The following PAK2 variants were observed in gnomAD, a reference collection of about 807,000 sequenced individuals.
PAK2 encodes p21 (RAC1) activated kinase 2.
In PAK2, 21 loss-of-function variants were observed where a neutral mutation model predicts 65.9. That is an observed-to-expected ratio of 0.32 (90% CI 0.23 to 0.46). The LOEUF (loss-of-function observed/expected upper bound fraction) is 0.46. Ranked by LOEUF, PAK2 falls within the 20% of genes least tolerant of loss-of-function variation. The probability of loss-of-function intolerance (pLI) is 1.00; values close to 1 mark genes in which losing one functional copy is unlikely to be tolerated. For missense variants in PAK2, 324 were observed against 642.6 expected (o/e 0.50, Z 5.36); for synonymous variants, 204 against 219.7 (o/e 0.93, Z 0.63).
chr3:196,791,749 C>A lies in PAK2; in HGVS notation c.187+8916C>A, dbSNP rs190261125. Among the ~76,000 whole-genome samples the A allele has an allele frequency of 9.5e-3, 1,441 of 152,064 alleles. 26 individuals are homozygous for A. Among genetic ancestry groups the A allele is most frequent in the African/African-American group, 0.032 (1,327 of 41,480 alleles). On this transcript the variant is annotated intron_variant, in intron 2 of 14. Transcript: ENST00000327134. This position sits in a 1 kb window ranked among gnomAD's most constrained non-coding sequence, Gnocchi z 4.0. ...ACCATCCTGGCTAACAAGGTGAAAC[C>A]CCGTCTCTACTAAAAATACAAAAAG...
rs1711600140 is a variant in PAK2, at chr3:196,820,093, G to T, written c.1154-278G>T. Among the ~76,000 whole-genome samples the T allele has an allele frequency of 6.6e-6, 1 of 152,096 alleles. No individual in the cohort carries two copies. The highest frequency in any genetic ancestry group is 1.5e-5 in the Non-Finnish European group (1 of 68,022). On this transcript the variant is annotated intron_variant, in intron 12 of 14. Transcript: ENST00000327134. The surrounding 1 kb of genome is among the most constrained non-coding windows in gnomAD (Gnocchi z 4.6). ...TCTACTTTTGCTTTACTTTTTCGTA[G>T]ACCTCTTTCAGTTTTATTAAATTTT...
intron 1 of PAK2, among the ~76,000 whole-genome samples, chr3:196,761,192 T>G (rs560597931): frequency 1.0e-3 from 136 of 129,702 alleles, no homozygotes; most frequent in Non-Finnish European, 1.8e-3. Flanking sequence ...AATTCTTGGG[T>G]GTTTCTCACA....
chr3:196,797,755 A>AAAAAT (rs1453036105), intron 2 of PAK2, among the ~76,000 whole-genome samples: 1 of 152,132 alleles, frequency 6.6e-6, no homozygotes, highest in South Asian at 2.1e-4. Flanking sequence ...TGTCTCAAAA[A>AAAAAT]AAAATAAAAT....
rs185095577 is a variant in PAK2 at position 196,795,907 on chromosome 3, G to A, written c.188-6020G>A. On this transcript the variant is annotated intron_variant, in intron 2 of 14. Coordinates refer to ENST00000327134, the MANE Select transcript of PAK2 (RefSeq NM_002577.4). ...GCACCCGGGATTGGTTTCGCGGAAG[G>A]TAGTTTTTCCACAGACCCAGTGGTG... 3.3e-4 allele frequency among the ~76,000 whole-genome samples: 51 copies of A among 152,330 alleles called. 1 individual carries two copies. The highest frequency in any genetic ancestry group is 4.3e-4 in the African/African-American group (18 of 41,572).
At chr3:196,759,793 G>A (rs565354376) in intron 1 of PAK2, among the ~76,000 whole-genome samples, 5 of 152,098 alleles carry the variant, frequency 3.3e-5, no homozygotes, top group East Asian at 3.9e-4. Flanking sequence ...CCAAAGTGCC[G>A]GGATTACAGG....
intron 1 of PAK2, 23 bp from the exon 2 acceptor site, chr3:196,782,603 A>T: frequency 1.7e-6 from 2 of 1,183,906 alleles, no homozygotes; most frequent in Non-Finnish European, 2.4e-6. Flanking sequence ...CTTTGTTACT[A>T]ATTGTATTTT....
intron 1 of PAK2, among the ~76,000 whole-genome samples, chr3:196,761,824 G>T (rs1160678972): frequency 1.9e-5 from 2 of 105,134 alleles, no homozygotes; most frequent in African/African-American, 3.7e-5. Context: ...CGGCTGGCCG[G>T]GCGGGGGGCT....
At chr3:196,753,292 G>C (rs1039481315) in intron 1 of PAK2, among the ~76,000 whole-genome samples, 4 of 151,028 alleles carry the variant, frequency 2.6e-5, no homozygotes, top group Admixed American at 6.6e-5. Flanking sequence ...GATATAAGAA[G>C]GTTGCCCAGT....
rs28463065 is a variant in PAK2, at chr3:196,832,294, T to C, written c.*3889T>C. On this transcript the variant is annotated 3_prime_UTR_variant, in exon 15 of 15. Coordinates refer to ENST00000327134, the MANE Select transcript of PAK2 (RefSeq NM_002577.4). ...TTGGTTGGAACGCATTGGCTTTTTT[T>C]TTCTTGTTTTGATAGAAATGGAATT... is the stretch of plus-strand genomic sequence containing the variant. 6.6e-6 allele frequency: 1 copy of C among 152,246 alleles called. No homozygotes were observed. Among genetic ancestry groups the C allele is most frequent in the African/African-American group, 2.4e-5 (1 of 41,468 alleles). The allele number at this position is 152,246 out of a possible 1,614,324, so 9.4% of individuals were successfully genotyped here.
chr3:196,746,365 C>G (rs951460298), intron 1 of PAK2, among the ~76,000 whole-genome samples: 27 of 152,090 alleles, frequency 1.8e-4, no homozygotes, highest in African/African-American at 6.5e-4. Context: ...TGGTTTTCTT[C>G]TTTTAACTAT....
intron 1 of PAK2, among the ~76,000 whole-genome samples, chr3:196,749,568 T>C (rs1157734600): frequency 1.3e-5 from 2 of 152,060 alleles, no homozygotes; most frequent in African/African-American, 4.8e-5. Context: ...CAAGTGCTCA[T>C]GTGTAGGTTT....
rs114312624 is a variant in PAK2 at position 196,749,369 on chromosome 3, G to A, written c.-22+9212G>A. ...ATCACTTCACGTTTCCACCAGCAGC[G>A]CACAGCAGTTCAGTTTCTCTACATC... On this transcript the variant is annotated intron_variant, in intron 1 of 14. Transcript: ENST00000327134. Among the ~76,000 whole-genome samples, 729 of 152,112 alleles carry A rather than the reference G, an allele frequency of 4.8e-3. 3 individuals are homozygous for A. The highest frequency in any genetic ancestry group is 0.02 in the Middle Eastern group (6 of 294).
chr3:196,745,970 A>G (rs1713363837), intron 1 of PAK2, among the ~76,000 whole-genome samples: 2 of 151,906 alleles, frequency 1.3e-5, no homozygotes, highest in Middle Eastern at 3.4e-3. Flanking sequence ...TTCTATGGTT[A>G]CAATATTTAA....
At chr3:196,798,767 A>G (rs1715334789) in intron 2 of PAK2, among the ~76,000 whole-genome samples, 1 of 152,216 alleles carries the variant, frequency 6.6e-6, no homozygotes, top group African/African-American at 2.4e-5. Context: ...TATTTACTGT[A>G]TTAACACAAT....
intron 13 of PAK2, among the ~76,000 whole-genome samples, chr3:196,825,604 T>C (rs543383630): frequency 8.0e-4 from 117 of 147,032 alleles, no homozygotes; most frequent in Admixed American, 1.3e-3. Context: ...GATCGTGCCA[T>C]TGCATTCCAG....
At chr3:196,783,161 C>T (rs935117698) in intron 2 of PAK2, among the ~76,000 whole-genome samples, 3 of 152,072 alleles carry the variant, frequency 2.0e-5, no homozygotes, top group African/African-American at 4.8e-5. Context: ...GGCCCACAGT[C>T]CCCTGTCTGA....
chr3:196,761,571 C>T (rs1282930012), intron 1 of PAK2, among the ~76,000 whole-genome samples: 54 of 120,860 alleles, frequency 4.5e-4, no homozygotes, highest in African/African-American at 1.5e-3. Flanking sequence ...TACACAGACA[C>T]GGCAACCATC....
intron 5 of PAK2, among the ~76,000 whole-genome samples, chr3:196,805,792 C>T (rs577649985): frequency 1.3e-5 from 2 of 151,990 alleles, no homozygotes; most frequent in Admixed American, 6.6e-5. Flanking sequence ...CTTAAGTTAT[C>T]GCATAAACAC....
intron 1 of PAK2, among the ~76,000 whole-genome samples, chr3:196,774,027 G>A (rs576719921): frequency 6.6e-6 from 1 of 152,140 alleles, no homozygotes; most frequent in Non-Finnish European, 1.5e-5. Context: ...ACGAGACTCC[G>A]TCTCAAAAAA....
Sources: gnomAD v4.1 joint callset for allele counts (sites outside exome capture counted in the v4.1 genomes callset) on GRCh38, gnomAD v4.1.1 for gene constraint, Gnocchi (gnomAD v3.1) non-coding constraint, MANE v1.5 for transcripts, NCBI Gene and HGNC (gene_info 2026-07-23, HGNC 2026-07-21) for gene names.